Variants in ZDHHC17 observed in about 807,000 individuals in gnomAD.
ZDHHC17 encodes the protein palmitoyltransferase ZDHHC17.
In ZDHHC17, 40 loss-of-function variants were observed where a neutral mutation model predicts 90.3. That is an observed-to-expected ratio of 0.44 (90% CI 0.34 to 0.58). The LOEUF (loss-of-function observed/expected upper bound fraction) is 0.58, where lower values mean the gene tolerates loss of function less well. Ranked by LOEUF, ZDHHC17 falls within the 20% of genes least tolerant of loss-of-function variation. The pLI is 0.01. For synonymous variants in ZDHHC17, 235 were observed against 252.4 expected, an observed-to-expected ratio of 0.93 and a Z score of 0.65; for missense variants, 614 against 780.8, an observed-to-expected ratio of 0.79 and a Z score of 2.55.
Position 76,830,550 on chromosome 12 carries a change from AT to A in ZDHHC17, c.1141+2062del, listed in dbSNP as rs1299336326. On this transcript the variant is annotated intron_variant, in intron 10 of 16. Coordinates refer to ENST00000426126, the MANE Select transcript of ZDHHC17 (RefSeq NM_015336.4). ...CTTAAAAATTGTTCCTCAAGGATTTATTAAGCATTAGAATTGCCATATTGGA... is the reference window on the plus strand; with the variant it reads ...CTTAAAAATTGTTCCTCAAGGATTTATAAGCATTAGAATTGCCATATTGGA... 3.3e-5 allele frequency among the ~76,000 whole-genome samples: 5 copies of A among 152,320 alleles called. No individual in the cohort carries two copies. The South Asian group carries it at 6.2e-4, about 19-fold the overall frequency.
rs748985532 is a variant in ZDHHC17 at position 76,815,880 on chromosome 12, T to C, written c.632T>C (p.Leu211Ser). 6.4e-7 allele frequency: 1 copy of C among 1,553,232 alleles called. No homozygotes were observed. The highest frequency in any genetic ancestry group is 8.7e-7 in the Non-Finnish European group (1 of 1,149,222). Residue 211 changes from leucine to serine, a missense_variant, in exon 7 of 17, where the codon TTA (leucine) becomes TCA (serine). Leu to Ser is a moderately radical substitution (Grantham distance 145). Transcript: ENST00000426126. ...THSVDPTRLL[L>S]TFNVSVNLGD... ...AGTGTGGATCCAACTAGATTGCTTT[T>C]AACATTCAATGTTTCAGTTAACCTT...
At chr12:76,847,300 A>G (rs1435802210) in intron 14 of ZDHHC17, among the ~76,000 whole-genome samples, 1 of 152,208 alleles carries the variant, frequency 6.6e-6, no homozygotes, top group African/African-American at 2.4e-5. Context: ...TGGCATAAAG[A>G]TGTATTAGAT....
At chr12:76,772,359 C>T (rs1387565543) in intron 1 of ZDHHC17, among the ~76,000 whole-genome samples, 1 of 152,042 alleles carries the variant, frequency 6.6e-6, no homozygotes, top group Non-Finnish European at 1.5e-5. Context: ...CGAAGAGTTC[C>T]CATATGCTCC....
At chr12:76,849,240 G>T in intron 15 of ZDHHC17, 136 bp from the exon 16 acceptor site, 1 of 450,450 alleles carries the variant, frequency 2.2e-6, no homozygotes, top group Non-Finnish European at 3.8e-6. Context: ...GGTGGCGGGG[G>T]TGGAATCACT....
intron 1 of ZDHHC17, among the ~76,000 whole-genome samples, chr12:76,766,817 C>G (rs1344527315): frequency 6.6e-6 from 1 of 151,816 alleles, no homozygotes; most frequent in Non-Finnish European, 1.5e-5. Context: ...CCCAGGAGTT[C>G]GAGACCATCC....
At chr12:76,800,889 T>C (rs1359488662) in intron 2 of ZDHHC17, among the ~76,000 whole-genome samples, 1 of 144,610 alleles carries the variant, frequency 6.9e-6, no homozygotes, top group African/African-American at 2.6e-5. Flanking sequence ...CCATTTCTTT[T>C]TTTTTTTTTT....
At position 76,853,489 on chromosome 12, in the gene ZDHHC17, G is replaced by A. The variant is rs1244698151; in HGVS notation, c.*2504G>A. 1 of 152,080 alleles carries A rather than the reference G, an allele frequency of 6.6e-6. No individual in the cohort carries two copies. The highest frequency in any genetic ancestry group is 1.5e-5 in the Non-Finnish European group (1 of 67,904). 9.4% of individuals were successfully genotyped at this position (152,080 alleles called of 1,614,324 possible). A position where few individuals can be genotyped will look rare whatever the true frequency, so the allele number is the denominator to read the frequency against. On this transcript the variant is annotated 3_prime_UTR_variant, in exon 17 of 17. Coordinates refer to ENST00000426126, the MANE Select transcript of ZDHHC17 (RefSeq NM_015336.4). ...CCAGGAATTTATTTGATATTAATGG[G>A]CGTAAAACAGCATCATTGTACTTAA...
rs1953562070 is a variant in ZDHHC17, at chr12:76,851,094, G to A, written c.*109G>A. The A allele has an allele frequency of 7.3e-7, 1 of 1,377,128 alleles. No homozygotes were observed. Among genetic ancestry groups the A allele is most frequent in the Non-Finnish European group, 9.9e-7 (1 of 1,006,668 alleles). The allele number at this position is 1,377,128 out of a possible 1,614,324, so 85.3% of individuals were successfully genotyped here. On this transcript the variant is annotated 3_prime_UTR_variant, in exon 17 of 17. Transcript: ENST00000426126. Reference sequence around the variant, plus strand: ...TCCTTTGAACAAGAGCATGCTATGTGTAGGGCTAATGGTGAATTTTACAGT... The same window carrying A: ...TCCTTTGAACAAGAGCATGCTATGTATAGGGCTAATGGTGAATTTTACAGT...
rs1442634483 is a variant in ZDHHC17 at position 76,852,752 on chromosome 12, T to G, written c.*1767T>G. The G allele has an allele frequency of 2.6e-5, 4 of 152,622 alleles. No homozygotes were observed. Among genetic ancestry groups the G allele is most frequent in the Non-Finnish European group, 5.9e-5 (4 of 68,028 alleles). The allele number at this position is 152,622 out of a possible 1,614,324, so 9.5% of individuals were successfully genotyped here. A position where few individuals can be genotyped will look rare whatever the true frequency, so the allele number is the denominator to read the frequency against. On this transcript the variant is annotated 3_prime_UTR_variant, in exon 17 of 17. Coordinates refer to ENST00000426126, the MANE Select transcript of ZDHHC17 (RefSeq NM_015336.4). ...TACCCTTAGTGTATGTGTTTTAATA[T>G]TAGAAAATTGGCATATGTACTTTAT... is the stretch of plus-strand genomic sequence containing the variant.
rs1184257532 is a variant in ZDHHC17, at chr12:76,850,904, T to C, written c.1818T>C (p.Phe606=). 1 of 1,613,900 alleles carries C rather than the reference T, an allele frequency of 6.2e-7. No homozygotes were observed. The highest frequency in any genetic ancestry group is 1.3e-5 in the African/African-American group (1 of 74,946). The change falls in exon 17 of 17, where the codon TTT becomes TTC. Residue 606 remains phenylalanine (F), a synonymous_variant. Transcript: ENST00000426126. ...TTGAATTTCGATGCTGTGGCCTCTT[T>C]CGTCCTGTTATCGTGGACTGGACCA... is the stretch of plus-strand genomic sequence containing the variant. ...DFFEFRCCGL[F]RPVIVDWTRQ...
intron 1 of ZDHHC17, among the ~76,000 whole-genome samples, chr12:76,786,108 T>C (rs1952682011): frequency 7.0e-6 from 1 of 143,012 alleles, no homozygotes; most frequent in Non-Finnish European, 1.5e-5. Context: ...TCTTTTTCTT[T>C]CTTTTCTTTC....
intron 1 of ZDHHC17, among the ~76,000 whole-genome samples, chr12:76,766,451 A>G (rs905063055): frequency 6.6e-6 from 1 of 152,204 alleles, no homozygotes; most frequent in Non-Finnish European, 1.5e-5. Context: ...TTCATCATTT[A>G]TAATGGATAA....
At position 76,773,321 on chromosome 12, in the gene ZDHHC17, A is replaced by G. The variant is rs761956038; in HGVS notation, c.93+8992A>G. On this transcript the variant is annotated intron_variant, in intron 1 of 16. Coordinates refer to ENST00000426126, the MANE Select transcript of ZDHHC17 (RefSeq NM_015336.4). ...AGTTTTGTTTTTTCCAGAGTATCTT[A>G]TAGTTGGAATCATGCAGTATGTTGC... Among the ~76,000 whole-genome samples, 23 of 152,130 alleles carry G rather than the reference A, an allele frequency of 1.5e-4. 1 individual carries two copies. The highest frequency in any genetic ancestry group is 1.4e-3 in the South Asian group (7 of 4,828).
At position 76,846,646 on chromosome 12, in the gene ZDHHC17, A is replaced by G; in HGVS notation, c.1474A>G (p.Met492Val). The G allele has an allele frequency of 6.2e-7, 1 of 1,612,058 alleles. No homozygotes were observed. The highest frequency in any genetic ancestry group is 2.2e-5 in the East Asian group (1 of 44,828). ...GGGCTACCTATTCTTCTTGCTTTTT[A>G]TGATCTGCTGGATGATTTATGGTTG... The part of the protein sequence containing the change: ...FMGYLFFLLF[M>V]ICWMIYGCIS... The change falls in exon 14 of 17, where the codon ATG becomes GTG. Residue 492 changes from methionine to valine, a missense_variant. Transcript: ENST00000426126.
chr12:76,850,179 T>C (rs1404546213), intron 16 of ZDHHC17, among the ~76,000 whole-genome samples: 4 of 152,068 alleles, frequency 2.6e-5, no homozygotes, highest in African/African-American at 7.2e-5. Flanking sequence ...CCTCCCAAAG[T>C]GCTAGGATTA....
intron 3 of ZDHHC17, among the ~76,000 whole-genome samples, chr12:76,806,596 A>C (rs1952956197): frequency 6.6e-6 from 1 of 152,098 alleles, no homozygotes; most frequent in African/African-American, 2.4e-5. Flanking sequence ...GCTGGTCTCG[A>C]ACTCCCGCCC....
intron 15 of ZDHHC17, 38 bp downstream of exon 15, chr12:76,848,428 A>G (rs747074725): frequency 6.3e-7 from 1 of 1,598,190 alleles, no homozygotes; most frequent in Non-Finnish European, 8.6e-7. Context: ...CACTAAGTGA[A>G]AACTCTTCCA....
In ZDHHC17 at chr12:76,805,308, C is replaced by A. The variant is rs200285613; in HGVS notation, c.198-9C>A. ...ATAATAACAATGCCATATTTTCTTT[C>A]TTTTCTAGATATGGAATATATGAAC... On this transcript the variant is annotated splice_polypyrimidine_tract_variant and intron_variant, in intron 2 of 16. Transcript: ENST00000426126. 1 of 1,583,162 alleles carries A rather than the reference C, an allele frequency of 6.3e-7. No individual in the cohort carries two copies. The highest frequency in any genetic ancestry group is 1.3e-5 in the African/African-American group (1 of 74,208).
chr12:76,822,749 G>A (rs1953181056), intron 8 of ZDHHC17, among the ~76,000 whole-genome samples: 1 of 151,540 alleles, frequency 6.6e-6, no homozygotes, highest in South Asian at 2.1e-4. Context: ...AGTACAGATG[G>A]GGTTTCACCG....
Sources: allele counts gnomAD v4.1 joint callset (sites outside exome capture counted in the v4.1 genomes callset), GRCh38; gene constraint gnomAD v4.1.1; transcripts MANE v1.5; gene names NCBI Gene and HGNC (gene_info 2026-07-23, HGNC 2026-07-21).